Variants in KMT5B observed in about 807,000 individuals in gnomAD.
KMT5B encodes histone-lysine N-methyltransferase KMT5B.
A neutral mutation model predicts 83.2 loss-of-function variants in KMT5B; 10 were observed. That is an observed-to-expected ratio of 0.12 (90% CI 0.07 to 0.20). KMT5B has a LOEUF of 0.20. KMT5B is among the 10% of genes least tolerant of loss of function. The probability of loss-of-function intolerance (pLI) is 1.00; values close to 1 mark genes in which losing one functional copy is unlikely to be tolerated. For synonymous variants in KMT5B, 349 were observed against 388.8 expected, an observed-to-expected ratio of 0.90 and a Z score of 1.20; for missense variants, 753 against 1,067.2, an observed-to-expected ratio of 0.71 and a Z score of 4.10.
At chr11:68,186,721 C>A (rs2153068806) in intron 2 of KMT5B, among the ~76,000 whole-genome samples, 1 of 152,294 alleles carries the variant, frequency 6.6e-6, no homozygotes, top group South Asian at 2.1e-4. Flanking sequence ...GACAGTCCTT[C>A]CATGGAATCA....
chr11:68,166,169 C>T, intron 10 of KMT5B: 10 of 1,357,564 alleles, frequency 7.4e-6, no homozygotes, highest in Non-Finnish European at 9.5e-6. Flanking sequence ...GCTTTAGTGG[C>T]AACTACAGAA....
Position 68,173,796 on chromosome 11 carries a change from A to G in KMT5B, c.653+8T>C, listed in dbSNP as rs1336721167. ...TAAATTAAAGGCTTATACTAGTAGA[A>G]TAGTTACCACTCTTTTGTTGCAACT... On this transcript the variant is annotated splice_region_variant and intron_variant, in intron 6 of 10. Transcript: ENST00000304363. 1.3e-6 allele frequency: 2 copies of G among 1,497,974 alleles called. No homozygotes were observed. Among genetic ancestry groups the G allele is most frequent in the Non-Finnish European group, 1.8e-6 (2 of 1,084,376 alleles). The allele number at this position is 1,497,974 out of a possible 1,614,324, so 92.8% of individuals were successfully genotyped here. A position where few individuals can be genotyped will look rare whatever the true frequency, so the allele number is the denominator to read the frequency against.
At chr11:68,179,861 T>C (rs1200791650) in intron 4 of KMT5B, 1 of 416,910 alleles carries the variant, frequency 2.4e-6, no homozygotes. Context: ...AAAACATACC[T>C]GGCTGAGTCC....
chr11:68,166,728 A>G lies in KMT5B; in HGVS notation c.1174+254T>C. ...TTAAAACATATGATGACCTTGGAAC[A>G]TATGATGAAGAACTCATATCCAGTT... On this transcript the variant is annotated intron_variant, in intron 10 of 10. Transcript: ENST00000304363. 7 of 1,336,354 alleles carry G rather than the reference A, an allele frequency of 5.2e-6. No individual in the cohort carries two copies. The South Asian group carries it at 1.1e-4, about 21-fold the overall frequency. The allele number at this position is 1,336,354 out of a possible 1,614,324, so 82.8% of individuals were successfully genotyped here.
intron 2 of KMT5B, among the ~76,000 whole-genome samples, 192 bp from the exon 3 acceptor site, chr11:68,186,120 A>G (rs1018953959): frequency 5.9e-5 from 9 of 152,230 alleles, no homozygotes; most frequent in Non-Finnish European, 1.3e-4. Context: ...CATTACTGAG[A>G]GTATTATCGT....
At chr11:68,210,990 C>T (rs544979634) in intron 1 of KMT5B, among the ~76,000 whole-genome samples, 1 of 152,344 alleles carries the variant, frequency 6.6e-6, no homozygotes, top group South Asian at 2.1e-4. Context: ...ATGGGAAGGG[C>T]ATTCCTGTGG....
At chr11:68,211,994 A>G (rs1230205310) in intron 1 of KMT5B, among the ~76,000 whole-genome samples, 1 of 152,240 alleles carries the variant, frequency 6.6e-6, no homozygotes, top group African/African-American at 2.4e-5. Flanking sequence ...CTGTATTTAC[A>G]GCAAGCGGCA....
intron 1 of KMT5B, among the ~76,000 whole-genome samples, chr11:68,200,006 G>T (rs1364845860): frequency 1.3e-5 from 2 of 152,164 alleles, no homozygotes; most frequent in African/African-American, 2.4e-5. Context: ...CTTCCTTTTT[G>T]GGGGTCTTTT....
chr11:68,163,892 T>G lies in KMT5B; in HGVS notation c.1174+3090A>C, dbSNP rs892503910. On this transcript the variant is annotated intron_variant, in intron 10 of 10. Coordinates refer to ENST00000304363, the MANE Select transcript of KMT5B (RefSeq NM_017635.5). ...CCCCAGCCTCTGCATCTAGGACAGG[T>G]GCTCCATAGTTAAGATCAACTTCTC... Among the ~76,000 whole-genome samples the G allele has an allele frequency of 1.2e-4, 19 of 152,134 alleles. 1 individual carries two copies. Among genetic ancestry groups the G allele is most frequent in the African/African-American group, 4.6e-4 (19 of 41,412 alleles).
intron 3 of KMT5B, 73 bp from the exon 4 acceptor site, chr11:68,180,273 G>C: frequency 2.0e-6 from 3 of 1,505,164 alleles, no homozygotes; most frequent in Non-Finnish European, 2.7e-6. Flanking sequence ...TTTCTAAACA[G>C]ACTTACAATA....
At chr11:68,189,218 T>C (rs1250919203) in intron 2 of KMT5B, among the ~76,000 whole-genome samples, 2 of 152,228 alleles carry the variant, frequency 1.3e-5, no homozygotes, top group East Asian at 3.8e-4. Flanking sequence ...TAACATGACA[T>C]ACGTTTGGAC....
At chr11:68,173,965 G>C (rs745617051) in intron 5 of KMT5B, 52 bp from the exon 6 acceptor site, 1 of 1,242,216 alleles carries the variant, frequency 8.1e-7, no homozygotes, top group East Asian at 2.3e-5. Context: ...TACCCTGCTA[G>C]ACTTTCTTAC....
At chr11:68,195,860 A>C (rs1001381686) in intron 1 of KMT5B, among the ~76,000 whole-genome samples, 2 of 152,220 alleles carry the variant, frequency 1.3e-5, no homozygotes, top group Admixed American at 6.5e-5. Flanking sequence ...TGGTCATTAA[A>C]TAAAATGAAT....
intron 1 of KMT5B, among the ~76,000 whole-genome samples, chr11:68,194,994 G>A (rs1043593614): frequency 2.0e-5 from 3 of 152,086 alleles, no homozygotes; most frequent in African/African-American, 7.2e-5. Flanking sequence ...GGGCAACACG[G>A]CAAGACCTCA....
chr11:68,166,450 C>T (rs1855330202), intron 10 of KMT5B: 1 of 1,000,526 alleles, frequency 1.0e-6, no homozygotes, highest in Non-Finnish European at 1.2e-6. Context: ...GTTCAAAATG[C>T]TCCTCTATCA....
chr11:68,198,856 A>C (rs1434587025), intron 1 of KMT5B, among the ~76,000 whole-genome samples: 1 of 152,010 alleles, frequency 6.6e-6, no homozygotes. Flanking sequence ...CAACCTCCTG[A>C]GTAGCTGGAA....
intron 10 of KMT5B, among the ~76,000 whole-genome samples, chr11:68,165,425 A>G (rs1855228470): frequency 6.6e-6 from 1 of 152,012 alleles, no homozygotes; most frequent in South Asian, 2.1e-4. Flanking sequence ...AATCGCTTGA[A>G]CTTGGGAGGC....
chr11:68,201,967 T>C (rs1859497020), intron 1 of KMT5B, among the ~76,000 whole-genome samples: 1 of 150,258 alleles, frequency 6.7e-6, no homozygotes, highest in Non-Finnish European at 1.5e-5. Flanking sequence ...TGCGTGCTTG[T>C]AGTCCCAGGT....
At chr11:68,182,735 ATTTTT>A (rs1013344475) in intron 3 of KMT5B, among the ~76,000 whole-genome samples, 1 of 139,188 alleles carries the variant, frequency 7.2e-6, no homozygotes, top group Non-Finnish European at 1.6e-5. Context: ...TTTCATTGTA[ATTTTT>A]TTTTTTTTTT....
Sources: allele counts gnomAD v4.1 joint callset (sites outside exome capture counted in the v4.1 genomes callset), GRCh38; gene constraint gnomAD v4.1.1; transcripts MANE v1.5; gene names NCBI Gene and HGNC (gene_info 2026-07-23, HGNC 2026-07-21).